PACRG: variants seen among roughly 807,000 people sequenced by gnomAD.
PACRG encodes the protein parkin coregulated gene protein.
In PACRG, 29 loss-of-function variants were observed where a neutral mutation model predicts 29.7. The observed-to-expected ratio is 0.98, with a 90% CI of 0.73 to 1.33. The LOEUF (loss-of-function observed/expected upper bound fraction) is 1.33. Ranked by LOEUF, PACRG falls within the 40% of genes most tolerant of loss-of-function variation. PACRG has a pLI of 0.00. For missense variants in PACRG, 279 were observed against 316.2 expected, an observed-to-expected ratio of 0.88 and a Z score of 0.89; for synonymous variants, 116 against 118.7, an observed-to-expected ratio of 0.98 and a Z score of 0.15.
chr6:163,312,307 C>T (rs73784598), intron 4 of PACRG, among the ~76,000 whole-genome samples: 7,930 of 152,250 alleles, frequency 0.052, 669 homozygotes, highest in African/African-American at 0.18. Flanking sequence ...TTCTAAAAAG[C>T]ACATTCTCTG....
At position 162,887,758 on chromosome 6, in the gene PACRG, C is replaced by A. The variant is rs79193519; in HGVS notation, c.291+73477C>A. On this transcript the variant is annotated intron_variant, in intron 2 of 4. Transcript: ENST00000366888. ...ATACATTCCCTTGAGTTAGGTTGAGCCATCAGACTGGTTTGCAGAGTGCCC... is the reference window on the plus strand; with the variant it reads ...ATACATTCCCTTGAGTTAGGTTGAGACATCAGACTGGTTTGCAGAGTGCCC... Among the ~76,000 whole-genome samples the A allele has an allele frequency of 1.5e-3, 225 of 152,250 alleles. 2 individuals carry two copies. In the East Asian group the frequency reaches 0.018, roughly 12 times the overall value.
chr6:162,953,976 TACAA>T (rs1453349197), intron 2 of PACRG, among the ~76,000 whole-genome samples: 2 of 152,356 alleles, frequency 1.3e-5, no homozygotes, highest in East Asian at 3.9e-4. Context: ...TTTTTATTTT[TACAA>T]AATTCTAATA....
intron 2 of PACRG, among the ~76,000 whole-genome samples, chr6:162,966,791 A>G (rs1316873533): frequency 6.6e-6 from 1 of 150,376 alleles, no homozygotes; most frequent in African/African-American, 2.4e-5. Flanking sequence ...ATGTATTTTT[A>G]TATATTTTGT....
At chr6:163,098,927 G>C (rs1814840664) in intron 4 of PACRG, among the ~76,000 whole-genome samples, 2 of 152,186 alleles carry the variant, frequency 1.3e-5, no homozygotes, top group African/African-American at 4.8e-5. Context: ...AGGACAACCA[G>C]AGGTCACTCT....
chr6:163,134,857 A>G (rs1331568568), intron 4 of PACRG, among the ~76,000 whole-genome samples: 3 of 152,192 alleles, frequency 2.0e-5, no homozygotes, highest in African/African-American at 7.2e-5. Context: ...AAATCTCAAC[A>G]GTTTTTCCAC....
intron 4 of PACRG, among the ~76,000 whole-genome samples, chr6:163,273,213 T>C (rs1783906737): frequency 6.6e-6 from 1 of 152,198 alleles, no homozygotes; most frequent in Non-Finnish European, 1.5e-5. Flanking sequence ...TTTTGATATG[T>C]GGCTGGATTT....
intron 2 of PACRG, among the ~76,000 whole-genome samples, chr6:162,918,419 G>A (rs1796844255): frequency 6.6e-6 from 1 of 152,114 alleles, no homozygotes; most frequent in Non-Finnish European, 1.5e-5. Flanking sequence ...CAATTTTAAG[G>A]ACGAGACATG....
chr6:163,289,406 A>G lies in PACRG; in HGVS notation c.614-25421A>G, dbSNP rs150989649. Among the ~76,000 whole-genome samples the G allele has an allele frequency of 1.8e-4, 27 of 152,316 alleles. No homozygotes were observed. The East Asian group carries it at 3.7e-3, about 21-fold the overall frequency. ...TAGGTTAAGAGTAGTTGTTGTTCTC[A>G]TATGAATCTTGAGTCAGTTTTTCTT... On this transcript the variant is annotated intron_variant, in intron 4 of 4. Transcript: ENST00000366888.
At chr6:162,834,618 A>G (rs888502663) in intron 2 of PACRG, among the ~76,000 whole-genome samples, 6 of 151,604 alleles carry the variant, frequency 4.0e-5, no homozygotes, top group African/African-American at 9.7e-5. Context: ...AGATTTGATA[A>G]TTGCAAAGGG....
At chr6:163,165,168 A>C (rs578170974) in intron 4 of PACRG, among the ~76,000 whole-genome samples, 1 of 152,352 alleles carries the variant, frequency 6.6e-6, no homozygotes, top group East Asian at 1.9e-4. Context: ...CAAAAGCTTT[A>C]GAAAGGTCTG....
intron 2 of PACRG, among the ~76,000 whole-genome samples, chr6:162,963,531 A>G (rs1800798038): frequency 1.3e-5 from 2 of 151,688 alleles, no homozygotes; most frequent in East Asian, 1.9e-4. Flanking sequence ...CTATAAATAC[A>G]AATAATGTGT....
intron 4 of PACRG, among the ~76,000 whole-genome samples, chr6:163,121,748 C>A (rs969355971): frequency 6.6e-6 from 1 of 150,628 alleles, no homozygotes; most frequent in East Asian, 2.0e-4. Context: ...TCACTGCAAG[C>A]TCCGCCTCCT....
chr6:162,931,842 A>C (rs1797874857), intron 2 of PACRG, among the ~76,000 whole-genome samples: 1 of 152,038 alleles, frequency 6.6e-6, no homozygotes, highest in Admixed American at 6.6e-5. Context: ...TTTAGAGAAC[A>C]GTTTGCCAGT....
At chr6:163,209,570 A>G (rs1781052213) in intron 4 of PACRG, among the ~76,000 whole-genome samples, 1 of 152,246 alleles carries the variant, frequency 6.6e-6, no homozygotes, top group Non-Finnish European at 1.5e-5. Context: ...GTAACACAAA[A>G]TGAGACAACT....
intron 2 of PACRG, among the ~76,000 whole-genome samples, chr6:163,035,076 A>T (rs925015876): frequency 2.0e-5 from 3 of 152,164 alleles, no homozygotes; most frequent in Admixed American, 6.5e-5. Context: ...GGAGTGTAGC[A>T]GTGAGTATGA....
In PACRG at chr6:162,842,580, C is replaced by A. The variant is rs1473547262; in HGVS notation, c.291+28299C>A. 2.1e-5 allele frequency among the ~76,000 whole-genome samples: 3 copies of A among 143,104 alleles called. No individual in the cohort carries two copies. In the Admixed American group the frequency reaches 2.1e-4, roughly 10 times the overall value. The allele number at this position is 143,104 out of a possible 152,430, so 93.9% of individuals were successfully genotyped here. A position where few individuals can be genotyped will look rare whatever the true frequency, so the allele number is the denominator to read the frequency against. The stretch of plus-strand genomic sequence containing the variant: ...GCCAGTCTGTGTCTTTTAATTGGAG[C>A]ATTTAGTCCATTTACATTTAAAGTT... On this transcript the variant is annotated intron_variant, in intron 2 of 4. Coordinates refer to ENST00000366888, the MANE Select transcript of PACRG (RefSeq NM_001080379.2).
chr6:163,186,430 C>T (rs1004964509), intron 4 of PACRG, among the ~76,000 whole-genome samples: 2 of 152,038 alleles, frequency 1.3e-5, no homozygotes, highest in African/African-American at 4.8e-5. Flanking sequence ...CACACGCAGA[C>T]ACAGACACAC....
At chr6:163,099,897 T>C (rs1438397926) in intron 4 of PACRG, among the ~76,000 whole-genome samples, 1 of 152,148 alleles carries the variant, frequency 6.6e-6, no homozygotes, top group Non-Finnish European at 1.5e-5. Flanking sequence ...TCGCACGTGC[T>C]CTTCTAGAGA....
chr6:162,792,955 T>A (rs192239913), intron 1 of PACRG, among the ~76,000 whole-genome samples: 4 of 152,028 alleles, frequency 2.6e-5, no homozygotes, highest in Admixed American at 2.6e-4. Context: ...GTCTGGAGAG[T>A]GCTGAGGTAT....
Sources: allele counts gnomAD v4.1 joint callset (sites outside exome capture counted in the v4.1 genomes callset), GRCh38; gene constraint gnomAD v4.1.1; transcripts MANE v1.5; gene names NCBI Gene and HGNC (gene_info 2026-07-23, HGNC 2026-07-21).